The following DNAJC13 variants were observed in gnomAD, a reference collection of about 807,000 sequenced individuals.
The protein encoded by DNAJC13 is DnaJ heat shock protein family (Hsp40) member C13.
DNAJC13 carries 75 observed loss-of-function variants against 290.5 expected under a neutral mutation model. The ratio of observed to expected loss-of-function variants is 0.26; its 90% CI spans 0.21 to 0.31. DNAJC13 has a LOEUF of 0.31. Ranked by LOEUF, DNAJC13 falls within the 10% of genes least tolerant of loss-of-function variation. The probability of loss-of-function intolerance (pLI) is 1.00; values close to 1 mark genes in which losing one functional copy is unlikely to be tolerated. For missense variants in DNAJC13, 2,260 were observed against 2,674.5 expected (o/e 0.85, Z 3.42); for synonymous variants, 862 against 892.0 (o/e 0.97, Z 0.60).
chr3:132,503,378 T>A lies in DNAJC13; in HGVS notation c.4881T>A (p.Thr1627=), dbSNP rs781640257. ...GAAAACTTGCTGTGGCTAGTGTGAC[T>A]GAGGTATGTGCTTCACAGGTAGCCT... ...VARKLAVASV[T]EILKMLNSNT... The change falls in exon 41 of 56, where the codon ACT becomes ACA. Residue 1627 remains threonine, a synonymous_variant. Coordinates refer to ENST00000260818, the MANE Select transcript of DNAJC13 (RefSeq NM_015268.4). 1.9e-5 allele frequency: 31 copies of A among 1,613,862 alleles called. No individual in the cohort carries two copies. The highest frequency in any genetic ancestry group is 2.5e-5 in the Non-Finnish European group (30 of 1,179,896).
intron 48 of DNAJC13, among the ~76,000 whole-genome samples, chr3:132,518,847 C>T (rs1170499086): frequency 2.0e-5 from 3 of 152,166 alleles, no homozygotes; most frequent in Non-Finnish European, 4.4e-5. Flanking sequence ...CAGTCACTGT[C>T]CATTCTTCCT....
intron 36 of DNAJC13, 59 bp downstream of exon 36, chr3:132,496,722 C>T: frequency 7.2e-7 from 1 of 1,390,580 alleles, no homozygotes; most frequent in Non-Finnish European, 9.6e-7. Flanking sequence ...CACAGCTAAC[C>T]CTATACCATA....
chr3:132,478,746 G>T (rs1263140908), intron 24 of DNAJC13, among the ~76,000 whole-genome samples: 1 of 152,082 alleles, frequency 6.6e-6, no homozygotes, highest in Non-Finnish European at 1.5e-5. Flanking sequence ...GCAAGACCTT[G>T]TCTCAAAAAA....
intron 45 of DNAJC13, 102 bp from the exon 46 acceptor site, chr3:132,514,468 AT>A: frequency 1.5e-6 from 1 of 686,850 alleles, no homozygotes; most frequent in South Asian, 2.1e-5. Context: ...TAAATGTTTC[AT>A]CCCCCAAACA....
At chr3:132,486,074 G>A (rs569443428) in intron 29 of DNAJC13, among the ~76,000 whole-genome samples, 53 of 116,804 alleles carry the variant, frequency 4.5e-4, no homozygotes, top group Admixed American at 2.3e-3. Flanking sequence ...ATACAGTAAT[G>A]CCCTATCCTT....
chr3:132,471,319 G>C (rs1262905497), intron 20 of DNAJC13, among the ~76,000 whole-genome samples: 1 of 143,994 alleles, frequency 6.9e-6, no homozygotes, highest in Non-Finnish European at 1.5e-5. Flanking sequence ...CCTCCCGGAC[G>C]GGGCGGCTGG....
At chr3:132,493,625 T>TC (rs905664411) in intron 33 of DNAJC13, among the ~76,000 whole-genome samples, 33 of 152,094 alleles carry the variant, frequency 2.2e-4, no homozygotes, top group Non-Finnish European at 1.6e-4. Flanking sequence ...GCTTTTTTTT[T>TC]CCCATTTGCT....
At chr3:132,524,200 A>C (rs957299967) in intron 51 of DNAJC13, among the ~76,000 whole-genome samples, 2 of 152,214 alleles carry the variant, frequency 1.3e-5, no homozygotes, top group African/African-American at 4.8e-5. Flanking sequence ...GAGTGAGTGA[A>C]AAGGTAACTT....
chr3:132,437,484 T>C (rs934067065), intron 2 of DNAJC13, among the ~76,000 whole-genome samples: 4 of 152,234 alleles, frequency 2.6e-5, no homozygotes, highest in Admixed American at 6.5e-5. Context: ...TTGCGTTAAT[T>C]TTTGTATTTG....
chr3:132,463,550 T>C, intron 16 of DNAJC13, 146 bp from the exon 17 acceptor site: 1 of 838,642 alleles, frequency 1.2e-6, no homozygotes, highest in Middle Eastern at 3.3e-4. Context: ...ACCTATTTTT[T>C]TTTGGGTGAT....
intron 1 of DNAJC13, among the ~76,000 whole-genome samples, chr3:132,418,539 TAA>T (rs1471266362): frequency 1.3e-5 from 2 of 152,204 alleles, no homozygotes; most frequent in Admixed American, 1.3e-4. Flanking sequence ...GGGAAAAAAG[TAA>T]AGATTTCACC....
chr3:132,486,155 GCTTTT>G (rs1934868734), intron 29 of DNAJC13, among the ~76,000 whole-genome samples: 1 of 38,872 alleles, frequency 2.6e-5, no homozygotes, highest in Non-Finnish European at 5.0e-5. Context: ...ACATTTCTTT[GCTTTT>G]CTTTTGTGGA....
Position 132,446,556 on chromosome 3 carries a change from C to G in DNAJC13, c.144+6C>G. The stretch of plus-strand genomic sequence containing the variant: ...CCTTAGAAGTAACAAATCAGGTAAT[C>G]CTGTTAGAAGCTGTTAGGTGTTTGT... On this transcript the variant is annotated splice_donor_region_variant and intron_variant, in intron 3 of 55. Coordinates refer to ENST00000260818, the MANE Select transcript of DNAJC13 (RefSeq NM_015268.4). 1 of 1,591,864 alleles carries G rather than the reference C, an allele frequency of 6.3e-7. No individual in the cohort carries two copies. The highest frequency in any genetic ancestry group is 1.1e-5 in the South Asian group (1 of 87,284).
chr3:132,430,716 A>T (rs751661783), intron 1 of DNAJC13, among the ~76,000 whole-genome samples: 11 of 152,182 alleles, frequency 7.2e-5, no homozygotes, highest in South Asian at 2.1e-4. Context: ...CCGTACACCT[A>T]TATATCTCTC....
At chr3:132,475,787 T>C (rs1021199581) in intron 22 of DNAJC13, among the ~76,000 whole-genome samples, 1 of 152,164 alleles carries the variant, frequency 6.6e-6, no homozygotes, top group African/African-American at 2.4e-5. Context: ...CTACCACTTC[T>C]CAAGTCATCT....
intron 22 of DNAJC13, among the ~76,000 whole-genome samples, chr3:132,477,017 C>T (rs188115138): frequency 1.6e-3 from 240 of 152,290 alleles, no homozygotes; most frequent in Non-Finnish European, 9.9e-4. Flanking sequence ...AGCCTAGAAA[C>T]CTTTGTTTGT....
At position 132,516,877 on chromosome 3, in the gene DNAJC13, T is replaced by C; in HGVS notation, c.5673+61T>C. On this transcript the variant is annotated intron_variant, in intron 48 of 55. Coordinates refer to ENST00000260818, the MANE Select transcript of DNAJC13 (RefSeq NM_015268.4). ...TATTAAAGCATTGTTACTTTGATAC[T>C]GATTTCAAGAAGTTTACTGAAATCT... 5.2e-6 allele frequency: 7 copies of C among 1,343,176 alleles called. No homozygotes were observed. The South Asian group carries it at 9.2e-5, about 18-fold the overall frequency. The allele number at this position is 1,343,176 out of a possible 1,614,324, so 83.2% of individuals were successfully genotyped here.
At chr3:132,467,529 G>A (rs568312816) in intron 20 of DNAJC13, among the ~76,000 whole-genome samples, 5 of 152,172 alleles carry the variant, frequency 3.3e-5, no homozygotes, top group African/African-American at 9.6e-5. Flanking sequence ...GCAGTGGAGC[G>A]ATCTCGTCTC....
At chr3:132,506,839 C>T (rs905967316) in intron 42 of DNAJC13, among the ~76,000 whole-genome samples, 1 of 152,010 alleles carries the variant, frequency 6.6e-6, no homozygotes, top group South Asian at 2.1e-4. Context: ...CATGAGCCAC[C>T]GTGCCCGGCC....
Sources: allele counts gnomAD v4.1 joint callset (sites outside exome capture counted in the v4.1 genomes callset), GRCh38; gene constraint gnomAD v4.1.1; transcripts MANE v1.5; gene names NCBI Gene and HGNC (gene_info 2026-07-23, HGNC 2026-07-21).